Variants in RANBP2 observed in about 807,000 individuals in gnomAD.
RANBP2 encodes E3 SUMO-protein ligase RanBP2.
In RANBP2, 57 loss-of-function variants were observed where a neutral mutation model predicts 303.6. That is an observed-to-expected ratio of 0.19 (90% CI 0.15 to 0.23). RANBP2 has a LOEUF of 0.23. Among genes scored for constraint, RANBP2 ranks in the 10% least tolerant of loss-of-function variants. The pLI, the probability that RANBP2 is intolerant of heterozygous loss-of-function variation, is 1.00. For synonymous variants in RANBP2, 1,167 were observed against 1,301.5 expected (o/e 0.90, Z 2.23); for missense variants, 3,138 against 3,780.8 (o/e 0.83, Z 4.46).
the RANBP2 span, among the ~76,000 whole-genome samples, chr2:109,474,942 T>C: frequency 2.0e-5 from 3 of 152,308 alleles, no homozygotes; most frequent in South Asian, 6.2e-4. Flanking sequence ...TTTCAGTGTT[T>C]TTTGTCTTTT....
At chr2:109,629,312 T>G in the RANBP2 span, among the ~76,000 whole-genome samples, 47 of 3,770 alleles carry the variant, frequency 0.012, 3 homozygotes, top group South Asian at 0.098. Flanking sequence ...GATATATATA[T>G]ATATATATAT....
the RANBP2 span, among the ~76,000 whole-genome samples, chr2:108,941,206 G>T: frequency 6.6e-6 from 1 of 152,250 alleles, no homozygotes; most frequent in Non-Finnish European, 1.5e-5. Context: ...CACTGCATTC[G>T]TAAACCACAA....
chr2:108,804,996 C>G, the RANBP2 span: 12 of 1,525,722 alleles, frequency 7.9e-6, no homozygotes, highest in Non-Finnish European at 1.1e-5. Flanking sequence ...TGAATGATAC[C>G]TTAAAAAAAC....
chr2:108,891,733 C>A, the RANBP2 span, among the ~76,000 whole-genome samples: 2 of 152,006 alleles, frequency 1.3e-5, no homozygotes, highest in Non-Finnish European at 1.5e-5. Context: ...GCTGGCATAG[C>A]ATGAGCAATG....
At chr2:109,613,768 G>T in the RANBP2 span, 1 of 1,214,940 alleles carries the variant, frequency 8.2e-7, no homozygotes, top group African/African-American at 1.6e-5. Flanking sequence ...GGGAGCGCGG[G>T]GCTGGGGCCC....
chr2:108,880,943 T>C, the RANBP2 span, among the ~76,000 whole-genome samples: 1 of 152,204 alleles, frequency 6.6e-6, no homozygotes, highest in Non-Finnish European at 1.5e-5. Flanking sequence ...TTATAATTCA[T>C]GAGAGAAGTT....
chr2:109,018,138 C>T, the RANBP2 span, among the ~76,000 whole-genome samples: 1 of 152,162 alleles, frequency 6.6e-6, no homozygotes, highest in Non-Finnish European at 1.5e-5. Flanking sequence ...AAGACAGAGT[C>T]GGGCAGGTTA....
the RANBP2 span, among the ~76,000 whole-genome samples, chr2:109,206,665 A>C: frequency 7.2e-5 from 11 of 152,212 alleles, no homozygotes; most frequent in African/African-American, 2.6e-4. Flanking sequence ...ATTTTTTTTA[A>C]ATTAGCTGGG....
the RANBP2 span, among the ~76,000 whole-genome samples, chr2:109,269,519 G>A: frequency 1.3e-5 from 2 of 152,186 alleles, no homozygotes; most frequent in African/African-American, 4.8e-5. Context: ...GGTGGCTCAT[G>A]CCTGTAATCC....
intron 20 of RANBP2, among the ~76,000 whole-genome samples, chr2:108,768,824 A>G (rs896993508): frequency 1.3e-5 from 2 of 152,100 alleles, no homozygotes; most frequent in Non-Finnish European, 2.9e-5. Context: ...CTTGAGCTCA[A>G]GAGTTCGAGA....
At chr2:109,032,553 C>T in the RANBP2 span, among the ~76,000 whole-genome samples, 1 of 152,092 alleles carries the variant, frequency 6.6e-6, no homozygotes, top group Admixed American at 6.6e-5. Flanking sequence ...CATTCTTCAT[C>T]CCACTCCATC....
At chr2:108,959,017 G>C in the RANBP2 span, among the ~76,000 whole-genome samples, 2 of 152,350 alleles carry the variant, frequency 1.3e-5, no homozygotes, top group Admixed American at 6.5e-5. Context: ...TGGCACCCAT[G>C]AAGAACGGGA....
the RANBP2 span, among the ~76,000 whole-genome samples, chr2:109,019,841 G>A: frequency 1.3e-5 from 2 of 152,150 alleles, no homozygotes; most frequent in East Asian, 1.9e-4. Context: ...TCTGGGGTCC[G>A]GGGATTTGTT....
At chr2:108,737,783 G>A (rs1465601404) in intron 6 of RANBP2, among the ~76,000 whole-genome samples, 4 of 146,708 alleles carry the variant, frequency 2.7e-5, no homozygotes, top group African/African-American at 7.6e-5. Context: ...GGGCAATCTC[G>A]GCTCACTGCA....
chr2:109,384,288 A>G, the RANBP2 span, among the ~76,000 whole-genome samples: 1 of 152,184 alleles, frequency 6.6e-6, no homozygotes, highest in African/African-American at 2.4e-5. Context: ...AAGAAAAGCA[A>G]GTCTGGAGGG....
At chr2:109,093,151 T>C in the RANBP2 span, among the ~76,000 whole-genome samples, 1 of 152,230 alleles carries the variant, frequency 6.6e-6, no homozygotes, top group Admixed American at 6.5e-5. Flanking sequence ...AGGAATGAAA[T>C]TGGCTGCCCT....
chr2:109,252,518 T>C, the RANBP2 span, among the ~76,000 whole-genome samples: 1 of 152,186 alleles, frequency 6.6e-6, no homozygotes, highest in Non-Finnish European at 1.5e-5. Flanking sequence ...GAGGAGTTTC[T>C]TGGGATGTGG....
At chr2:108,778,416 C>T (rs1678026807) in intron 25 of RANBP2, among the ~76,000 whole-genome samples, 1 of 152,166 alleles carries the variant, frequency 6.6e-6, no homozygotes. Context: ...TTTGTATCCA[C>T]AGGTTTTCAT....
In RANBP2 at chr2:108,754,978, G is replaced by A; in HGVS notation, c.2276G>A (p.Gly759Glu). 1 of 1,611,796 alleles carries A rather than the reference G, an allele frequency of 6.2e-7. No homozygotes were observed. Among genetic ancestry groups the A allele is most frequent in the Non-Finnish European group, 8.5e-7 (1 of 1,179,796 alleles). Reference protein sequence around the residue: ...VMQELEDYSEGGPLYKNGSLR... With the variant: ...VMQELEDYSEEGPLYKNGSLR... The stretch of plus-strand genomic sequence containing the variant: ...CAGGAACTCGAAGACTATAGTGAAG[G>A]AGGTCCTCTCTATAAAAATGGTTCT... Residue 759 changes from glycine (G) to glutamate (E), a missense_variant, in exon 16 of 29, where the codon GGA becomes GAA. Gly to Glu is a moderately conservative substitution (Grantham distance 98). Coordinates refer to ENST00000283195, the MANE Select transcript of RANBP2 (RefSeq NM_006267.5).
Sources: allele counts gnomAD v4.1 joint callset (sites outside exome capture counted in the v4.1 genomes callset), GRCh38; gene constraint gnomAD v4.1.1; transcripts MANE v1.5; gene names NCBI Gene and HGNC (gene_info 2026-07-23, HGNC 2026-07-21).